WWOX: variants seen among roughly 807,000 people sequenced by gnomAD.
WWOX encodes the protein WW domain-containing oxidoreductase.
Under a neutral mutation model 46.2 loss-of-function variants are expected in WWOX, and 69 were observed. The observed-to-expected ratio is 1.49, with a 90% CI of 1.23 to 1.82. The LOEUF (loss-of-function observed/expected upper bound fraction) is 1.82, where lower values mean the gene tolerates loss of function less well. Among genes scored for constraint, WWOX ranks in the 40% most tolerant of loss-of-function variants. The pLI, the probability that WWOX is intolerant of heterozygous loss-of-function variation, is 0.00. For synonymous variants in WWOX, 359 were observed against 202.6 expected (o/e 1.77, Z -6.56); for missense variants, 919 against 542.6 (o/e 1.69, Z -6.89).
At position 78,406,448 on chromosome 16, in the gene WWOX, G is replaced by C. The variant is rs145600607; in HGVS notation, c.606-18422G>C. ...GCTCACTGTAACCTCCGCCGCCCGG[G>C]TTCAAGCGATTCCCCTGCCTTAGCC... On this transcript the variant is annotated intron_variant, in intron 6 of 8. Coordinates refer to ENST00000566780, the MANE Select transcript of WWOX (RefSeq NM_016373.4). Among the ~76,000 whole-genome samples, 885 of 148,838 alleles carry C rather than the reference G, an allele frequency of 5.9e-3. 9 individuals carry two copies. Among genetic ancestry groups the C allele is most frequent in the African/African-American group, 0.021 (852 of 40,686 alleles).
At chr16:78,943,419 A>G (rs1473019236) in intron 8 of WWOX, among the ~76,000 whole-genome samples, 1 of 151,632 alleles carries the variant, frequency 6.6e-6, no homozygotes, top group African/African-American at 2.4e-5. Flanking sequence ...CAGATAACCC[A>G]TCCAGACCTG....
At chr16:79,050,168 G>A (rs1382898280) in intron 8 of WWOX, among the ~76,000 whole-genome samples, 1 of 152,176 alleles carries the variant, frequency 6.6e-6, no homozygotes, top group Admixed American at 6.5e-5. Flanking sequence ...CGTGTGTGTG[G>A]GGTTCAGCAG....
chr16:78,394,378 A>T (rs558263414), intron 6 of WWOX, among the ~76,000 whole-genome samples: 2 of 151,788 alleles, frequency 1.3e-5, no homozygotes, highest in Admixed American at 6.6e-5. Flanking sequence ...TACAAGTTAA[A>T]TTTTTTTTTC....
Position 78,429,391 on chromosome 16 carries a change from C to T in WWOX, c.792-3097C>T, listed in dbSNP as rs1175228528. On this transcript the variant is annotated intron_variant, in intron 7 of 8. Transcript: ENST00000566780. ...TCTGCCTTGCATGGCTTCTTTCATT[C>T]TCTCCCTGACTTCCACCCAAAAAAT... Among the ~76,000 whole-genome samples, 3 of 152,288 alleles carry T rather than the reference C, an allele frequency of 2.0e-5. No homozygotes were observed. In the East Asian group the frequency reaches 5.8e-4, roughly 29 times the overall value.
intron 6 of WWOX, among the ~76,000 whole-genome samples, chr16:78,399,065 A>G (rs564292299): frequency 1.4e-5 from 2 of 147,678 alleles, no homozygotes; most frequent in African/African-American, 5.3e-5. Context: ...GGAAGGGGAT[A>G]GGTGGCTGGC....
chr16:78,601,936 C>A (rs903632058), intron 8 of WWOX, among the ~76,000 whole-genome samples: 1 of 152,224 alleles, frequency 6.6e-6, no homozygotes, highest in East Asian at 1.9e-4. Context: ...AAATCATCAT[C>A]TGTTTCATTT....
intron 5 of WWOX, among the ~76,000 whole-genome samples, chr16:78,303,919 C>T (rs1014869263): frequency 1.4e-4 from 22 of 152,306 alleles, no homozygotes; most frequent in Admixed American, 6.5e-4. Context: ...AGAGCCAAGC[C>T]GTCAGCTATT....
chr16:78,966,085 G>A (rs1022016210), intron 8 of WWOX, among the ~76,000 whole-genome samples: 3 of 152,188 alleles, frequency 2.0e-5, no homozygotes, highest in Non-Finnish European at 2.9e-5. Context: ...AGGATTCCAA[G>A]CTTTTTTGCG....
intron 5 of WWOX, among the ~76,000 whole-genome samples, chr16:78,173,186 G>A (rs1482256824): frequency 3.3e-5 from 5 of 152,202 alleles, no homozygotes; most frequent in Non-Finnish European, 5.9e-5. Flanking sequence ...GCAACCCAGT[G>A]GAATAGAGGT....
chr16:78,632,348 C>A (rs541079162), intron 8 of WWOX, among the ~76,000 whole-genome samples: 16 of 152,048 alleles, frequency 1.1e-4, no homozygotes, highest in Non-Finnish European at 2.2e-4. Flanking sequence ...GGTCAGCATG[C>A]CCAAAGTATC....
intron 5 of WWOX, among the ~76,000 whole-genome samples, chr16:78,266,840 C>G (rs921225104): frequency 2.1e-5 from 3 of 146,010 alleles, no homozygotes; most frequent in Non-Finnish European, 4.6e-5. Context: ...CCCTCTCTCC[C>G]CCTCTCTCTC....
intron 4 of WWOX, among the ~76,000 whole-genome samples, chr16:78,122,028 G>A (rs1212162825): frequency 6.6e-6 from 1 of 152,124 alleles, no homozygotes. Context: ...AATTTTGAGA[G>A]AGAGAGAGTG....
At chr16:79,052,717 T>C (rs1416603788) in intron 8 of WWOX, among the ~76,000 whole-genome samples, 1 of 152,212 alleles carries the variant, frequency 6.6e-6, no homozygotes, top group Admixed American at 6.5e-5. Flanking sequence ...TTGTCCGGTG[T>C]TCTCTCATGG....
At chr16:79,054,163 A>G (rs2550675) in intron 8 of WWOX, among the ~76,000 whole-genome samples, 65 of 152,224 alleles carry the variant, frequency 4.3e-4, no homozygotes, top group African/African-American at 1.5e-3. Flanking sequence ...TGACATAATT[A>G]TGAGCTGCAT....
intron 4 of WWOX, among the ~76,000 whole-genome samples, chr16:78,128,423 A>G (rs1208642622): frequency 6.6e-6 from 1 of 152,168 alleles, no homozygotes; most frequent in Non-Finnish European, 1.5e-5. Context: ...AGAGGCAGAA[A>G]CTTCTGTGGG....
intron 8 of WWOX, among the ~76,000 whole-genome samples, chr16:78,544,733 G>C (rs2043983972): frequency 6.6e-6 from 1 of 151,988 alleles, no homozygotes; most frequent in Admixed American, 6.6e-5. Flanking sequence ...AAATTAGCTG[G>C]GTATGGTTGT....
chr16:78,285,851 C>T (rs1462677480), intron 5 of WWOX, among the ~76,000 whole-genome samples: 1 of 152,180 alleles, frequency 6.6e-6, no homozygotes, highest in Non-Finnish European at 1.5e-5. Context: ...TGTGTTTTCA[C>T]ATCAAAGAAC....
intron 5 of WWOX, among the ~76,000 whole-genome samples, chr16:78,333,224 A>T: frequency 6.6e-6 from 1 of 150,432 alleles, no homozygotes. Flanking sequence ...GTAATTTTTC[A>T]TTTTTGGTAG....
intron 5 of WWOX, among the ~76,000 whole-genome samples, chr16:78,327,766 A>T (rs569690244): frequency 6.6e-6 from 1 of 151,986 alleles, no homozygotes; most frequent in South Asian, 2.1e-4. Context: ...TATTTAGTCT[A>T]CAGTGGTTCT....
Sources: gnomAD v4.1 joint callset for allele counts (sites outside exome capture counted in the v4.1 genomes callset) on GRCh38, gnomAD v4.1.1 for gene constraint, MANE v1.5 for transcripts, NCBI Gene and HGNC (gene_info 2026-07-23, HGNC 2026-07-21) for gene names.